The following RPL23 variants were observed in gnomAD, a reference collection of about 807,000 sequenced individuals.
RPL23 encodes large ribosomal subunit protein uL14.
For missense variants in RPL23, 79 were observed against 178.8 expected, an observed-to-expected ratio of 0.44 and a Z score of 3.18; for synonymous variants, 63 against 65.3, an observed-to-expected ratio of 0.97 and a Z score of 0.17.
In RPL23 at chr17:38,853,692, C is replaced by A. The variant is rs1913073213; in HGVS notation, c.13+6G>T. The A allele has an allele frequency of 1.2e-6, 2 of 1,614,168 alleles. No individual in the cohort carries two copies. The highest frequency in any genetic ancestry group is 1.7e-6 in the Non-Finnish European group (2 of 1,180,038). The stretch of plus-strand genomic sequence containing the variant: ...GGTGGAGGATCCTCCAGAAACAAAA[C>A]CTCACCTCGCTTCGACATCTTGAAC... On this transcript the variant is annotated splice_donor_region_variant and intron_variant, in intron 1 of 4. Transcript: ENST00000479035.
intron 3 of RPL23, chr17:38,851,334 T>G (rs1350079175): frequency 3.3e-5 from 5 of 152,204 alleles, no homozygotes; most frequent in African/African-American, 1.2e-4. Context: ...CCTCTACTCA[T>G]AAACCATTTA....
chr17:38,848,287 G>A lies in RPL23; in HGVS notation c.*1845C>T. The A allele has an allele frequency of 2.6e-6, 1 of 389,750 alleles. No individual in the cohort carries two copies. The highest frequency in any genetic ancestry group is 4.2e-6 in the Non-Finnish European group (1 of 237,964). The allele number at this position is 389,750 out of a possible 1,614,324, so 24.1% of individuals were successfully genotyped here. On this transcript the variant is annotated 3_prime_UTR_variant, in exon 5 of 5. Coordinates refer to ENST00000479035, the MANE Select transcript of RPL23 (RefSeq NM_000978.4). ...CAGAGTTTCACTGGTTGCCCAGGCT[G>A]GAGCACAATCGTGCGACCTCAGCTC... is the stretch of plus-strand genomic sequence containing the variant.
At position 38,852,530 on chromosome 17, in the gene RPL23, T is replaced by G. The variant is rs533929409; in HGVS notation, c.226+74A>C. ...AAAACAAACTTGAGGCCTTGAAAAC[T>G]GATCCATTTTCCAATAAAGGAAAGC... is the stretch of plus-strand genomic sequence containing the variant. On this transcript the variant is annotated intron_variant, in intron 3 of 4. Transcript: ENST00000479035. The G allele has an allele frequency of 1.4e-4, 226 of 1,573,604 alleles. 1 individual carries two copies. The African/African-American group carries it at 2.8e-3, about 20-fold the overall frequency.
At chr17:38,850,554 G>T in intron 3 of RPL23, 79 bp from the exon 4 acceptor site, 1 of 878,938 alleles carries the variant, frequency 1.1e-6, no homozygotes, top group Non-Finnish European at 1.9e-6. Flanking sequence ...CAACTAGACA[G>T]AATGTACACT....
rs1263088938 is a variant in RPL23, at chr17:38,850,230, AAAAT to A, written c.341-20_341-17del. 6.4e-7 allele frequency: 1 copy of A among 1,561,688 alleles called. No homozygotes were observed. The highest frequency in any genetic ancestry group is 8.7e-7 in the Non-Finnish European group (1 of 1,151,662). The stretch of plus-strand genomic sequence containing the variant: ...ATGGCAGAACCTGCATTAAAAAAAT[AAAAT>A]AAAATAAAATAAAAACATGTGGGGG... On this transcript the variant is annotated splice_polypyrimidine_tract_variant and intron_variant, in intron 4 of 4. Coordinates refer to ENST00000479035, the MANE Select transcript of RPL23 (RefSeq NM_000978.4).
At position 38,847,910 on chromosome 17, in the gene RPL23, G is replaced by A; in HGVS notation, c.*2222C>T. On this transcript the variant is annotated 3_prime_UTR_variant, in exon 5 of 5. Coordinates refer to ENST00000479035, the MANE Select transcript of RPL23 (RefSeq NM_000978.4). ...ATCCAAGTCAAAAAAAATCTCCAAA[G>A]AATAAAATGTGAGGTGGGATGCAGT... 6.6e-7 allele frequency: 1 copy of A among 1,508,982 alleles called. No individual in the cohort carries two copies. Among genetic ancestry groups the A allele is most frequent in the Non-Finnish European group, 8.8e-7 (1 of 1,130,812 alleles). The allele number at this position is 1,508,982 out of a possible 1,614,324, so 93.5% of individuals were successfully genotyped here. A position where few individuals can be genotyped will look rare whatever the true frequency, so the allele number is the denominator to read the frequency against.
In RPL23 at chr17:38,850,354, T is replaced by C. The variant is rs768916679; in HGVS notation, c.340+8A>G. 17 of 1,609,452 alleles carry C rather than the reference T, an allele frequency of 1.1e-5. No individual in the cohort carries two copies. The highest frequency in any genetic ancestry group is 8.3e-5 in the Admixed American group (5 of 59,994). On this transcript the variant is annotated splice_region_variant and intron_variant, in intron 4 of 4. Transcript: ENST00000479035. ...AGACCTAAGGAACAAGCTGGACTGA[T>C]TTCCTACCTTTCATCTCGCCTTTAT...
intron 3 of RPL23, chr17:38,851,330 C>T (rs1461240281): frequency 6.6e-6 from 1 of 152,214 alleles, no homozygotes; most frequent in African/African-American, 2.4e-5. Flanking sequence ...CCCTCCTCTA[C>T]TCATAAACCA....
rs962194481 is a variant in RPL23, at chr17:38,853,567, G to T, written c.13+131C>A. The T allele has an allele frequency of 3.6e-6, 4 of 1,114,036 alleles. No homozygotes were observed. The Admixed American group carries it at 5.5e-5, about 15-fold the overall frequency. The allele number at this position is 1,114,036 out of a possible 1,614,324, so 69.0% of individuals were successfully genotyped here. A position where few individuals can be genotyped will look rare whatever the true frequency, so the allele number is the denominator to read the frequency against. ...TCGAGGGCCCTGGCAGTGCTCTCGC[G>T]GTGGCCTGGCTCTCTCTCTCCGGCC... is the stretch of plus-strand genomic sequence containing the variant. On this transcript the variant is annotated intron_variant, in intron 1 of 4. Transcript: ENST00000479035.
Position 38,848,256 on chromosome 17 carries a change from T to TC in RPL23, c.*1875dup, listed in dbSNP as rs1264666568. 1.5e-5 allele frequency: 9 copies of TC among 590,632 alleles called. No individual in the cohort carries two copies. The highest frequency in any genetic ancestry group is 2.2e-5 in the Non-Finnish European group (9 of 411,138). The allele number at this position is 590,632 out of a possible 1,614,324, so 36.6% of individuals were successfully genotyped here. On this transcript the variant is annotated 3_prime_UTR_variant, in exon 5 of 5. Coordinates refer to ENST00000479035, the MANE Select transcript of RPL23 (RefSeq NM_000978.4). ...AGAGATTTAATACATTTTTTTTCTT[T>TC]CCCCCCAGAGTTTCACTGGTTGCCC...
chr17:38,850,873 A>G (rs1912982891), intron 3 of RPL23: 1 of 156,638 alleles, frequency 6.4e-6, no homozygotes, highest in South Asian at 1.9e-4. Context: ...CCTTACAGGT[A>G]GGTTATTAAG....
rs141653767 is a variant in RPL23 at position 38,850,075 on chromosome 17, A to G, written c.*57T>C. On this transcript the variant is annotated 3_prime_UTR_variant, in exon 5 of 5. Coordinates refer to ENST00000479035, the MANE Select transcript of RPL23 (RefSeq NM_000978.4). Reference sequence around the variant, plus strand: ...GAACAGGGAGACAAGCACTGCAAACAAATACTTTTTAATGGGTTTAGTTTT... The same window carrying G: ...GAACAGGGAGACAAGCACTGCAAACGAATACTTTTTAATGGGTTTAGTTTT... 20 of 1,357,976 alleles carry G rather than the reference A, an allele frequency of 1.5e-5. No individual in the cohort carries two copies. Among genetic ancestry groups the G allele is most frequent in the Non-Finnish European group, 1.9e-5 (19 of 981,886 alleles). 84.1% of individuals were successfully genotyped at this position (1,357,976 alleles called of 1,614,324 possible).
rs1204250189 is a variant in RPL23 at position 38,848,115 on chromosome 17, A to T, written c.*2017T>A. 1.4e-6 allele frequency: 2 copies of T among 1,460,256 alleles called. No homozygotes were observed. Among genetic ancestry groups the T allele is most frequent in the African/African-American group, 2.9e-5 (2 of 70,142 alleles). The allele number at this position is 1,460,256 out of a possible 1,614,324, so 90.5% of individuals were successfully genotyped here. Reference sequence around the variant, plus strand: ...AGCGATTAGTGGTTAATATATAAGGATCATATATTGCCATAATATATAAAG... The same window carrying T: ...AGCGATTAGTGGTTAATATATAAGGTTCATATATTGCCATAATATATAAAG... On this transcript the variant is annotated 3_prime_UTR_variant, in exon 5 of 5. Transcript: ENST00000479035.
At chr17:38,853,494 C>G (rs1913066709) in intron 1 of RPL23, 1 of 727,674 alleles carries the variant, frequency 1.4e-6, no homozygotes, top group South Asian at 1.5e-5. Flanking sequence ...AGACTACATT[C>G]ACGTCGGGAT....
chr17:38,853,453 G>A (rs1913064443), intron 1 of RPL23: 1 of 718,260 alleles, frequency 1.4e-6, no homozygotes, highest in Non-Finnish European at 2.6e-6. Context: ...CATTACGATA[G>A]CCCTATTCGC....
chr17:38,848,295 A>G lies in RPL23; in HGVS notation c.*1837T>C, dbSNP rs997368026. ...CACTGGTTGCCCAGGCTGGAGCACA[A>G]TCGTGCGACCTCAGCTCACTGCAAC... On this transcript the variant is annotated 3_prime_UTR_variant, in exon 5 of 5. Coordinates refer to ENST00000479035, the MANE Select transcript of RPL23 (RefSeq NM_000978.4). 3.0e-6 allele frequency: 1 copy of G among 335,766 alleles called. No individual in the cohort carries two copies. Among genetic ancestry groups the G allele is most frequent in the African/African-American group, 2.1e-5 (1 of 46,514 alleles). The allele number at this position is 335,766 out of a possible 1,614,324, so 20.8% of individuals were successfully genotyped here.
chr17:38,848,085 A>C lies in RPL23; in HGVS notation c.*2047T>G. ...GCCTCAGAAAAGATAACATTCAAAAACAGCAGCGATTAGTGGTTAATATAT... is the reference window on the plus strand; with the variant it reads ...GCCTCAGAAAAGATAACATTCAAAACCAGCAGCGATTAGTGGTTAATATAT... On this transcript the variant is annotated 3_prime_UTR_variant, in exon 5 of 5. Transcript: ENST00000479035. The C allele has an allele frequency of 6.5e-7, 1 of 1,527,232 alleles. No individual in the cohort carries two copies. The highest frequency in any genetic ancestry group is 8.8e-7 in the Non-Finnish European group (1 of 1,138,838). 94.6% of individuals were successfully genotyped at this position (1,527,232 alleles called of 1,614,324 possible). A position where few individuals can be genotyped will look rare whatever the true frequency, so the allele number is the denominator to read the frequency against.
At chr17:38,851,156 A>C (rs1195718387) in intron 3 of RPL23, 1 of 152,270 alleles carries the variant, frequency 6.6e-6, no homozygotes, top group East Asian at 1.9e-4. Context: ...ATGCTTGTGA[A>C]GAACTATTGT....
chr17:38,852,876 C>T, intron 2 of RPL23, 144 bp from the exon 3 acceptor site: 1 of 1,376,404 alleles, frequency 7.3e-7, no homozygotes, highest in Non-Finnish European at 1.0e-6. Flanking sequence ...TGTCACACCA[C>T]CGATTGAAGC....
Sources: allele counts gnomAD v4.1 joint callset, GRCh38; gene constraint gnomAD v4.1.1; transcripts MANE v1.5; gene names NCBI Gene and HGNC (gene_info 2026-07-23, HGNC 2026-07-21).